Variants in NOS1AP observed in about 807,000 individuals in gnomAD.
NOS1AP encodes the protein nitric oxide synthase 1 adaptor protein.
NOS1AP carries 21 observed loss-of-function variants against 56.2 expected under a neutral mutation model. The observed-to-expected ratio is 0.37, with a 90% confidence interval of 0.26 to 0.54. The LOEUF (loss-of-function observed/expected upper bound fraction) is 0.54, where lower values mean the gene tolerates loss of function less well. Among genes scored for constraint, NOS1AP ranks in the 20% least tolerant of loss-of-function variants. The probability of loss-of-function intolerance (pLI) is 0.84; values close to 1 mark genes in which losing one functional copy is unlikely to be tolerated. For missense variants in NOS1AP, 522 were observed against 657.8 expected (o/e 0.79, Z 2.26); for synonymous variants, 270 against 274.6 (o/e 0.98, Z 0.17).
intron 5 of NOS1AP, among the ~76,000 whole-genome samples, chr1:162,341,929 G>A (rs115904901): frequency 1.3e-5 from 2 of 152,148 alleles, no homozygotes; most frequent in Non-Finnish European, 1.5e-5. Context: ...TCTAAATCAC[G>A]CCTTTTTGTG....
intron 2 of NOS1AP, among the ~76,000 whole-genome samples, chr1:162,175,824 G>A (rs1481224460): frequency 6.6e-6 from 1 of 152,026 alleles, no homozygotes; most frequent in East Asian, 1.9e-4. Context: ...AATCATTCTA[G>A]CTTCCTCCCT....
intron 1 of NOS1AP, among the ~76,000 whole-genome samples, chr1:162,139,979 C>T (rs1164716265): frequency 6.6e-6 from 1 of 152,094 alleles, no homozygotes; most frequent in African/African-American, 2.4e-5. Context: ...AGGTGTGCAC[C>T]ACCACACGCA....
intron 1 of NOS1AP, among the ~76,000 whole-genome samples, chr1:162,108,085 C>T (rs557959244): frequency 1.8e-4 from 27 of 152,256 alleles, no homozygotes; most frequent in South Asian, 4.2e-4. Flanking sequence ...AAACTATGGC[C>T]GGCCCAGTAA....
chr1:162,199,932 C>A (rs1278910732), intron 2 of NOS1AP, among the ~76,000 whole-genome samples: 2 of 152,116 alleles, frequency 1.3e-5, no homozygotes. Flanking sequence ...TAGAGGACAG[C>A]TGATGCACCT....
chr1:162,326,101 G>T (rs573016618), intron 4 of NOS1AP, among the ~76,000 whole-genome samples: 1 of 152,070 alleles, frequency 6.6e-6, no homozygotes, highest in Non-Finnish European at 1.5e-5. Context: ...TCACTTCAAC[G>T]ATTAAAAAAG....
chr1:162,130,915 G>A (rs925150817), intron 1 of NOS1AP, among the ~76,000 whole-genome samples: 1 of 152,106 alleles, frequency 6.6e-6, no homozygotes. Context: ...TCCAGATTTG[G>A]CATCTACAAA....
chr1:162,308,191 T>C (rs1655904617), intron 4 of NOS1AP, among the ~76,000 whole-genome samples: 1 of 152,206 alleles, frequency 6.6e-6, no homozygotes, highest in Non-Finnish European at 1.5e-5. Context: ...GAAGATATGA[T>C]TACAGCTACT....
At chr1:162,127,739 T>C (rs1648551736) in intron 1 of NOS1AP, among the ~76,000 whole-genome samples, 1 of 152,144 alleles carries the variant, frequency 6.6e-6, no homozygotes, top group South Asian at 2.1e-4. Context: ...TCATGAGAAC[T>C]CACTATCGCA....
At chr1:162,163,378 G>C (rs1001623310) in intron 2 of NOS1AP, among the ~76,000 whole-genome samples, 16 of 152,158 alleles carry the variant, frequency 1.1e-4, no homozygotes, top group African/African-American at 3.6e-4. Context: ...TCAATATAAA[G>C]AGCAGTGCCC....
At chr1:162,176,918 C>A (rs1300372020) in intron 2 of NOS1AP, among the ~76,000 whole-genome samples, 1 of 152,182 alleles carries the variant, frequency 6.6e-6, no homozygotes, top group Non-Finnish European at 1.5e-5. Context: ...GCTGCTATAG[C>A]GATTCATATG....
intron 1 of NOS1AP, among the ~76,000 whole-genome samples, chr1:162,129,491 AT>A (rs1648649660): frequency 2.6e-5 from 4 of 152,122 alleles, no homozygotes; most frequent in African/African-American, 4.8e-5. Context: ...CTTTGCTTCT[AT>A]AGATCTATTT....
intron 1 of NOS1AP, among the ~76,000 whole-genome samples, chr1:162,139,306 A>G (rs6677140): frequency 0.46 from 70,430 of 151,800 alleles, 19,798 homozygotes; most frequent in Non-Finnish European, 0.63. Flanking sequence ...TTGGAAGCCA[A>G]TGTGGCCCTG....
At chr1:162,261,369 C>G (rs1031596092) in intron 2 of NOS1AP, among the ~76,000 whole-genome samples, 1 of 134,480 alleles carries the variant, frequency 7.4e-6, no homozygotes, top group African/African-American at 2.9e-5. Flanking sequence ...TCTTAATGTG[C>G]AAACTTTTAA....
intron 1 of NOS1AP, among the ~76,000 whole-genome samples, chr1:162,120,206 C>G (rs955410641): frequency 6.6e-6 from 1 of 151,722 alleles, no homozygotes; most frequent in Non-Finnish European, 1.5e-5. Context: ...TGAATCTATT[C>G]TAAAGAAATA....
At chr1:162,214,167 ACCAGAGTT>A (rs1652464050) in intron 2 of NOS1AP, among the ~76,000 whole-genome samples, 1 of 152,214 alleles carries the variant, frequency 6.6e-6, no homozygotes, top group Admixed American at 6.5e-5. Context: ...TGCCTGTGGG[ACCAGAGTT>A]CCTTTTCCTA....
intron 2 of NOS1AP, among the ~76,000 whole-genome samples, chr1:162,238,986 C>G (rs76234443): frequency 0.052 from 7,956 of 152,180 alleles, 641 homozygotes; most frequent in African/African-American, 0.18. Context: ...ATCTGTAGAC[C>G]TATTCCTAGA....
intron 2 of NOS1AP, among the ~76,000 whole-genome samples, chr1:162,248,844 A>T (rs1028374750): frequency 1.3e-5 from 2 of 152,082 alleles, no homozygotes; most frequent in African/African-American, 4.8e-5. Context: ...GTCTTCGGGG[A>T]CCCATCTCAA....
At chr1:162,093,062 G>A (rs1458093529) in intron 1 of NOS1AP, among the ~76,000 whole-genome samples, 1 of 152,152 alleles carries the variant, frequency 6.6e-6, no homozygotes, top group Non-Finnish European at 1.5e-5. Context: ...GGGAAGTTAA[G>A]TCTTAGTGGC....
At chr1:162,127,238 T>C (rs1407194632) in intron 1 of NOS1AP, among the ~76,000 whole-genome samples, 4 of 152,344 alleles carry the variant, frequency 2.6e-5, no homozygotes, top group Non-Finnish European at 4.4e-5. Context: ...ATCTTACTTA[T>C]GGTATTTCTC....
Sources: gnomAD v4.1 joint callset for allele counts (sites outside exome capture counted in the v4.1 genomes callset) on GRCh38, gnomAD v4.1.1 for gene constraint, MANE v1.5 for transcripts, NCBI Gene and HGNC (gene_info 2026-07-23, HGNC 2026-07-21) for gene names.